The following AGBL4 variants were observed in gnomAD, a reference collection of about 807,000 sequenced individuals.
AGBL4 encodes the protein AGBL carboxypeptidase 4.
Under a neutral mutation model 66.4 loss-of-function variants are expected in AGBL4, and 58 were observed. That is an observed-to-expected ratio of 0.87 (90% CI 0.71 to 1.09). AGBL4 has a LOEUF of 1.09. Ranked by LOEUF, AGBL4 falls within the 50% of genes least tolerant of loss-of-function variation. The pLI is 0.00. For missense variants in AGBL4, 579 were observed against 631.0 expected (o/e 0.92, Z 0.88); for synonymous variants, 234 against 222.9 (o/e 1.05, Z -0.44).
At chr1:49,159,763 T>G (rs1646505035) in intron 4 of AGBL4, among the ~76,000 whole-genome samples, 1 of 152,188 alleles carries the variant, frequency 6.6e-6, no homozygotes, top group Non-Finnish European at 1.5e-5. Flanking sequence ...GTTCATTCCT[T>G]TTCATTCTTT....
At chr1:48,539,609 C>T in intron 12 of AGBL4, 33 bp downstream of exon 12, 1 of 1,492,644 alleles carries the variant, frequency 6.7e-7, no homozygotes, top group Non-Finnish European at 9.0e-7. Flanking sequence ...TGGAGCAGAA[C>T]TCAAGCCGAA....
chr1:49,872,695 A>C (rs1434902888), intron 1 of AGBL4, among the ~76,000 whole-genome samples: 1 of 152,076 alleles, frequency 6.6e-6, no homozygotes, highest in African/African-American at 2.4e-5. Context: ...AAGAGAGAGA[A>C]TCTATATGGC....
At chr1:49,609,222 A>G (rs909751765) in intron 3 of AGBL4, among the ~76,000 whole-genome samples, 2 of 152,200 alleles carry the variant, frequency 1.3e-5, no homozygotes, top group African/African-American at 4.8e-5. Flanking sequence ...ATTCAAGTCC[A>G]GATCCATAGG....
At chr1:48,988,550 A>G (rs539709395) in intron 5 of AGBL4, among the ~76,000 whole-genome samples, 2 of 152,324 alleles carry the variant, frequency 1.3e-5, no homozygotes, top group African/African-American at 4.8e-5. Context: ...CTCTTAAGAC[A>G]GCAAGCAGAT....
chr1:49,391,556 T>G (rs1308118085), intron 3 of AGBL4, among the ~76,000 whole-genome samples: 2 of 85,482 alleles, frequency 2.3e-5, no homozygotes, highest in African/African-American at 5.2e-5. Flanking sequence ...ATGAGTTTTT[T>G]TTTTTTGTTT....
chr1:49,734,271 T>C (rs930485052), intron 2 of AGBL4, among the ~76,000 whole-genome samples: 2 of 150,048 alleles, frequency 1.3e-5, no homozygotes, highest in Non-Finnish European at 1.5e-5. Flanking sequence ...ACTAGTGCCA[T>C]GGAGAGGGGA....
intron 4 of AGBL4, among the ~76,000 whole-genome samples, chr1:49,188,022 CTCTT>C (rs1331152364): frequency 1.3e-5 from 2 of 152,130 alleles, no homozygotes; most frequent in African/African-American, 4.8e-5. Context: ...CACATGCTCT[CTCTT>C]TATCTGCTGC....
At chr1:49,773,635 C>T (rs1301962255) in intron 2 of AGBL4, among the ~76,000 whole-genome samples, 1 of 152,124 alleles carries the variant, frequency 6.6e-6, no homozygotes, top group Non-Finnish European at 1.5e-5. Context: ...CCCTGTTGGC[C>T]AGGCACATGG....
At chr1:49,905,754 A>G (rs1319158537) in intron 1 of AGBL4, among the ~76,000 whole-genome samples, 1 of 152,146 alleles carries the variant, frequency 6.6e-6, no homozygotes, top group Non-Finnish European at 1.5e-5. Context: ...AATACATTAC[A>G]CTACAGTTGT....
chr1:49,135,391 G>C (rs573667082), intron 4 of AGBL4, among the ~76,000 whole-genome samples: 174 of 152,174 alleles, frequency 1.1e-3, no homozygotes, highest in Non-Finnish European at 2.1e-3. Context: ...GCTGAGACCA[G>C]TTCAGTCTGG....
chr1:49,249,505 A>G (rs1325249152), intron 3 of AGBL4, among the ~76,000 whole-genome samples: 1 of 152,240 alleles, frequency 6.6e-6, no homozygotes, highest in Admixed American at 6.5e-5. Flanking sequence ...AATGCAAATC[A>G]AAACCACAAT....
chr1:48,541,822 T>C (rs1644076160), intron 11 of AGBL4, among the ~76,000 whole-genome samples: 1 of 152,198 alleles, frequency 6.6e-6, no homozygotes. Context: ...ACTTATATAA[T>C]GTTTAATACG....
intron 6 of AGBL4, among the ~76,000 whole-genome samples, chr1:48,696,951 T>C (rs1017653873): frequency 1.3e-5 from 2 of 152,026 alleles, no homozygotes; most frequent in African/African-American, 4.8e-5. Flanking sequence ...CTGGTGGGTG[T>C]CCCTCACCTC....
intron 3 of AGBL4, among the ~76,000 whole-genome samples, chr1:49,613,805 T>C (rs989185019): frequency 2.0e-5 from 3 of 152,186 alleles, no homozygotes; most frequent in African/African-American, 7.2e-5. Flanking sequence ...AAATGTAATG[T>C]GCTTGAATCA....
chr1:49,529,443 G>C (rs1650923038), intron 3 of AGBL4, among the ~76,000 whole-genome samples: 1 of 152,128 alleles, frequency 6.6e-6, no homozygotes, highest in South Asian at 2.1e-4. Context: ...ACTTTGGGAG[G>C]CCGAGCAGGC....
chr1:49,567,569 G>T (rs1644238632), intron 3 of AGBL4, among the ~76,000 whole-genome samples: 1 of 152,194 alleles, frequency 6.6e-6, no homozygotes, highest in Admixed American at 6.5e-5. Context: ...AAAATTAAAA[G>T]TTATTTTATT....
intron 1 of AGBL4, 34 bp from the exon 2 acceptor site, chr1:49,851,552 T>C (rs1557513248): frequency 2.6e-6 from 4 of 1,541,592 alleles, no homozygotes; most frequent in African/African-American, 1.4e-5. Flanking sequence ...AGTCAAAGTA[T>C]ATTCGGCAAT....
chr1:49,708,563 C>G (rs905728987), intron 2 of AGBL4, among the ~76,000 whole-genome samples: 1 of 152,120 alleles, frequency 6.6e-6, no homozygotes, highest in Admixed American at 6.5e-5. Flanking sequence ...GTCAATTCAT[C>G]AAACTCATTC....
chr1:49,550,284 A>C (rs1652847934), intron 3 of AGBL4, among the ~76,000 whole-genome samples: 2 of 152,354 alleles, frequency 1.3e-5, no homozygotes, highest in Non-Finnish European at 2.9e-5. Flanking sequence ...ATTCAATGTT[A>C]GTATTGAGAT....
Sources: allele counts gnomAD v4.1 joint callset (sites outside exome capture counted in the v4.1 genomes callset), GRCh38; gene constraint gnomAD v4.1.1; transcripts MANE v1.5; gene names NCBI Gene and HGNC (gene_info 2026-07-23, HGNC 2026-07-21).